The following BRF1 variants were observed in gnomAD, a reference collection of about 807,000 sequenced individuals.
BRF1 encodes BRF1 general transcription factor IIIB subunit, also known as transcription factor IIIB 90 kDa subunit.
A neutral mutation model predicts 81.7 loss-of-function variants in BRF1; 59 were observed. The observed-to-expected ratio is 0.72, with a 90% CI of 0.59 to 0.90. The LOEUF is 0.90. BRF1 is among the 40% of genes least tolerant of loss of function. The pLI, the probability that BRF1 is intolerant of heterozygous loss-of-function variation, is 0.00. For missense variants in BRF1, 1,050 were observed against 936.3 expected (o/e 1.12, Z -1.58); for synonymous variants, 491 against 395.6 (o/e 1.24, Z -2.86).
intron 7 of BRF1, chr14:105,227,756 G>A (rs924502106): frequency 1.3e-5 from 2 of 152,250 alleles, no homozygotes; most frequent in African/African-American, 4.8e-5. Context: ...GCCTCTACAC[G>A]CTACACAACC....
At chr14:105,250,301 G>A (rs1446630549) in intron 5 of BRF1, 1 of 1,613,276 alleles carries the variant, frequency 6.2e-7, no homozygotes, top group African/African-American at 1.3e-5. Context: ...CATCCAGTTT[G>A]CAGTGGACAG....
intron 3 of BRF1, among the ~76,000 whole-genome samples, chr14:105,264,979 G>A (rs587607467): frequency 2.0e-5 from 3 of 151,794 alleles, no homozygotes; most frequent in Non-Finnish European, 2.9e-5. Context: ...AACTTTATTT[G>A]AAAAGATACT....
Position 105,256,246 on chromosome 14 carries a change from G to A in BRF1, c.471+272C>T, listed in dbSNP as rs79591215. On this transcript the variant is annotated intron_variant, in intron 4 of 17. Transcript: ENST00000547530. ...CCTTTGTGTAGGACAAAAGTTCACT[G>A]TTCACCCAGGCCTAGCTAACACCCA... 4,167 of 1,541,712 alleles carry A rather than the reference G, an allele frequency of 2.7e-3. 100 individuals carry two copies. The African/African-American group carries it at 0.051, about 19-fold the overall frequency.
intron 5 of BRF1, chr14:105,247,586 C>T: frequency 2.0e-6 from 2 of 985,442 alleles, no homozygotes; most frequent in Non-Finnish European, 2.4e-6. Context: ...CTGTAACGAC[C>T]ACAGAGACAC....
upstream of BRF1, among the ~76,000 whole-genome samples, chr14:105,305,507 A>G (rs2058161533): frequency 6.6e-6 from 1 of 152,186 alleles, no homozygotes. Context: ...ATGAACCAGG[A>G]AGTGGCCCTC....
rs1432720143 is a variant in BRF1, at chr14:105,315,129, C to T, written c.-162+193G>A. Reference sequence around the variant, plus strand: ...TGCGCGCCCCATCCCCGGCCCGGGTCCCCCAGCGGAGCCCAGGTCGCCCCC... The same window carrying T: ...TGCGCGCCCCATCCCCGGCCCGGGTTCCCCAGCGGAGCCCAGGTCGCCCCC... On this transcript the variant is annotated intron_variant, in intron 1 of 17. Transcript: ENST00000327359. This position sits in a 1 kb window ranked among gnomAD's most constrained non-coding sequence, Gnocchi z 4.4. The T allele has an allele frequency of 3.8e-6, 3 of 798,498 alleles. No individual in the cohort carries two copies. The highest frequency in any genetic ancestry group is 4.6e-6 in the Non-Finnish European group (3 of 650,140). The allele number at this position is 798,498 out of a possible 1,614,324, so 49.5% of individuals were successfully genotyped here. A position where few individuals can be genotyped will look rare whatever the true frequency, so the allele number is the denominator to read the frequency against.
chr14:105,305,656 A>T (rs1018810267), upstream of BRF1, among the ~76,000 whole-genome samples: 5 of 152,376 alleles, frequency 3.3e-5, no homozygotes, highest in East Asian at 5.8e-4. Context: ...GAAGGCATAA[A>T]GAATGGAGCC....
rs1042877513 is a variant in BRF1, at chr14:105,269,741, C to G, written c.439+2980G>C. Among the ~76,000 whole-genome samples, 1 of 152,138 alleles carries G rather than the reference C, an allele frequency of 6.6e-6. No individual in the cohort carries two copies. The highest frequency in any genetic ancestry group is 2.4e-5 in the African/African-American group (1 of 41,426). On this transcript the variant is annotated intron_variant, in intron 3 of 17. Coordinates refer to ENST00000547530, the MANE Select transcript of BRF1 (RefSeq NM_001519.4). The surrounding 1 kb of genome is among the most constrained non-coding windows in gnomAD (Gnocchi z 5.0). ...TCATCACCCCATGAAGGCCCATGTC[C>G]CAGGGCATCTGTCCCCCCCACAGGA...
At chr14:105,216,168 C>G (rs1003224292) in intron 15 of BRF1, among the ~76,000 whole-genome samples, 9 of 152,168 alleles carry the variant, frequency 5.9e-5, no homozygotes, top group African/African-American at 1.9e-4. Flanking sequence ...TATACACACA[C>G]AGAGAGACAC....
chr14:105,210,658 C>T lies in BRF1; in HGVS notation c.1997-70G>A. The T allele has an allele frequency of 6.4e-7, 1 of 1,555,060 alleles. No homozygotes were observed. The highest frequency in any genetic ancestry group is 1.7e-5 in the Admixed American group (1 of 57,348). ...CAGGAGCCCAGACCCCCCAACCCGC[C>T]CTGTTCCTGGTGCCCCCCTAGAAGA... On this transcript the variant is annotated intron_variant, in intron 17 of 17. Transcript: ENST00000547530. The surrounding 1 kb of genome is among the most constrained non-coding windows in gnomAD (Gnocchi z 4.7).
chr14:105,246,101 T>C (rs1362613912), intron 5 of BRF1, among the ~76,000 whole-genome samples: 4 of 152,190 alleles, frequency 2.6e-5, no homozygotes, highest in African/African-American at 7.2e-5. Context: ...ACTGCACTTT[T>C]GTAATCCCAG....
chr14:105,295,396 A>T lies in BRF1; in HGVS notation c.184+5050T>A, dbSNP rs148218770. ...CAAGACGGGAGAATTACTTGAGCCC[A>T]GGAGTTCCAGACGAGCCTGGTCAAC... On this transcript the variant is annotated intron_variant, in intron 1 of 17. Coordinates refer to ENST00000547530, the MANE Select transcript of BRF1 (RefSeq NM_001519.4). Among the ~76,000 whole-genome samples the T allele has an allele frequency of 2.8e-3, 428 of 151,914 alleles. 3 individuals carry two copies. Among genetic ancestry groups the T allele is most frequent in the African/African-American group, 9.8e-3 (406 of 41,396 alleles).
chr14:105,249,203 G>C (rs758096727), intron 5 of BRF1: 1 of 1,589,022 alleles, frequency 6.3e-7, no homozygotes, highest in Non-Finnish European at 8.5e-7. Flanking sequence ...CGTGCACTTC[G>C]TCGTGGGGCC....
At chr14:105,226,561 C>T in intron 8 of BRF1, 73 bp downstream of exon 8, 1 of 1,600,066 alleles carries the variant, frequency 6.2e-7, no homozygotes, top group South Asian at 1.1e-5. Flanking sequence ...TCTGCTACAA[C>T]CCCAGTCGGG....
intron 5 of BRF1, 40 bp from the exon 6 acceptor site, chr14:105,241,454 C>T (rs766251317): frequency 6.2e-7 from 1 of 1,605,628 alleles, no homozygotes; most frequent in South Asian, 1.1e-5. Context: ...CCTCCATGTG[C>T]CATGGCACGT....
At chr14:105,286,434 T>C (rs2057319674) in intron 1 of BRF1, 58 bp from the exon 2 acceptor site, 3 of 1,517,970 alleles carry the variant, frequency 2.0e-6, no homozygotes, top group African/African-American at 2.7e-5. Flanking sequence ...TTTACAACCC[T>C]TTCCTAACAT....
upstream of BRF1, among the ~76,000 whole-genome samples, chr14:105,301,514 G>A (rs2058026189): frequency 6.6e-6 from 1 of 152,124 alleles, no homozygotes. Context: ...GTGGTGGGCG[G>A]GGCCAGGGCA....
intron 2 of BRF1, among the ~76,000 whole-genome samples, chr14:105,283,997 T>C (rs587651547): frequency 6.6e-6 from 1 of 150,974 alleles, no homozygotes; most frequent in Admixed American, 6.6e-5. Context: ...AACAAAAAAC[T>C]GACAAAACTG....
intron 2 of BRF1, among the ~76,000 whole-genome samples, chr14:105,279,447 A>G (rs2056978990): frequency 6.6e-6 from 1 of 152,248 alleles, no homozygotes; most frequent in Admixed American, 6.5e-5. Context: ...AAGAAGCATG[A>G]GCAAAGGTTG....
Sources: gnomAD v4.1 joint callset for allele counts (sites outside exome capture counted in the v4.1 genomes callset) on GRCh38, gnomAD v4.1.1 for gene constraint, Gnocchi (gnomAD v3.1) non-coding constraint, MANE v1.5 for transcripts, NCBI Gene and HGNC (gene_info 2026-07-23, HGNC 2026-07-21) for gene names.